The following CNTN5 variants were observed in gnomAD, a reference collection of about 807,000 sequenced individuals.
CNTN5 encodes contactin-5.
In CNTN5, 77 loss-of-function variants were observed where a neutral mutation model predicts 129.1. The ratio of observed to expected loss-of-function variants is 0.60; its 90% CI spans 0.50 to 0.72. The LOEUF (loss-of-function observed/expected upper bound fraction) is 0.72, where lower values mean the gene tolerates loss of function less well. Among genes scored for constraint, CNTN5 ranks in the 30% least tolerant of loss-of-function variants. The pLI is 0.00. For synonymous variants in CNTN5, 509 were observed against 465.6 expected, an observed-to-expected ratio of 1.09 and a Z score of -1.20; for missense variants, 1,478 against 1,328.8, an observed-to-expected ratio of 1.11 and a Z score of -1.75.
chr11:99,677,003 A>T (rs937990964), intron 3 of CNTN5, among the ~76,000 whole-genome samples: 2 of 152,170 alleles, frequency 1.3e-5, no homozygotes, highest in Non-Finnish European at 2.9e-5. Context: ...CAAACTCATT[A>T]TCAAGCTAAA....
chr11:99,887,244 G>T (rs1310821806), intron 6 of CNTN5, among the ~76,000 whole-genome samples: 1 of 152,166 alleles, frequency 6.6e-6, no homozygotes, highest in Non-Finnish European at 1.5e-5. Context: ...CCGTGGTTTT[G>T]ACCAATGATG....
chr11:100,260,466 AC>A (rs1424653620), intron 17 of CNTN5, among the ~76,000 whole-genome samples: 8 of 152,312 alleles, frequency 5.3e-5, no homozygotes, highest in Admixed American at 3.3e-4. Flanking sequence ...TCATCCTGAT[AC>A]CAAAACCTGA....
chr11:99,620,949 A>T (rs1950929835), intron 3 of CNTN5, among the ~76,000 whole-genome samples: 1 of 150,544 alleles, frequency 6.6e-6, no homozygotes, highest in East Asian at 2.0e-4. Flanking sequence ...ATTTTCTAAT[A>T]AAATAATTCA....
At chr11:99,868,635 A>G (rs546002121) in intron 6 of CNTN5, among the ~76,000 whole-genome samples, 1 of 152,344 alleles carries the variant, frequency 6.6e-6, no homozygotes, top group East Asian at 1.9e-4. Flanking sequence ...CATGTTGTCA[A>G]CAGGAATATG....
chr11:99,488,744 T>C (rs549503810), intron 2 of CNTN5, among the ~76,000 whole-genome samples: 24 of 152,294 alleles, frequency 1.6e-4, no homozygotes, highest in African/African-American at 5.5e-4. Context: ...TATGCAATCA[T>C]TTTACCAAAA....
intron 2 of CNTN5, among the ~76,000 whole-genome samples, chr11:99,336,433 C>T (rs1866228084): frequency 6.6e-6 from 1 of 151,982 alleles, no homozygotes; most frequent in Admixed American, 6.6e-5. Flanking sequence ...AATAGTAATT[C>T]TGTGTAATTC....
intron 8 of CNTN5, among the ~76,000 whole-genome samples, chr11:99,999,483 C>A (rs574720980): frequency 1.3e-5 from 2 of 152,010 alleles, no homozygotes; most frequent in African/African-American, 4.8e-5. Flanking sequence ...GTTAGAATGG[C>A]GATCATTAAA....
chr11:99,231,166 C>T (rs1860974727), intron 1 of CNTN5, among the ~76,000 whole-genome samples: 1 of 152,018 alleles, frequency 6.6e-6, no homozygotes, highest in Non-Finnish European at 1.5e-5. Flanking sequence ...TGGGTATATA[C>T]CCAGTAACGG....
At chr11:99,401,679 A>C (rs12275265) in intron 2 of CNTN5, among the ~76,000 whole-genome samples, 5,123 of 152,168 alleles carry the variant, frequency 0.034, 285 homozygotes, top group African/African-American at 0.12. Flanking sequence ...GGTAGTATGG[A>C]CATTTTAACA....
intron 16 of CNTN5, among the ~76,000 whole-genome samples, chr11:100,253,857 AC>A (rs2138720064): frequency 6.6e-6 from 1 of 152,218 alleles, no homozygotes; most frequent in Admixed American, 6.5e-5. Context: ...CCAACTTCTT[AC>A]TCAAAACCAC....
At chr11:99,553,971 CACACACACACACACACACACACACAT>C (rs1948580272) in intron 2 of CNTN5, among the ~76,000 whole-genome samples, 1 of 114,064 alleles carries the variant, frequency 8.8e-6, no homozygotes, top group South Asian at 3.2e-4. Flanking sequence ...TGAATACACA[CACACACACACACACACACACACACAT>C]ACACACACAC....
intron 4 of CNTN5, among the ~76,000 whole-genome samples, chr11:99,835,371 G>A (rs1208867136): frequency 6.6e-6 from 1 of 152,160 alleles, no homozygotes; most frequent in Non-Finnish European, 1.5e-5. Context: ...GTGGGCCAGG[G>A]TTTGTGTGGT....
At chr11:100,086,772 A>C (rs569729022) in intron 13 of CNTN5, among the ~76,000 whole-genome samples, 1 of 151,562 alleles carries the variant, frequency 6.6e-6, no homozygotes, top group Non-Finnish European at 1.5e-5. Flanking sequence ...TTGTTTAACT[A>C]TATCAATACA....
chr11:99,439,432 G>A (rs774799358), intron 2 of CNTN5, among the ~76,000 whole-genome samples: 4 of 152,032 alleles, frequency 2.6e-5, no homozygotes, highest in Non-Finnish European at 5.9e-5. Context: ...ACATAGACAG[G>A]CGCGGTGGCT....
chr11:99,873,635 A>G (rs1948559975), intron 6 of CNTN5, among the ~76,000 whole-genome samples: 1 of 152,148 alleles, frequency 6.6e-6, no homozygotes, highest in Non-Finnish European at 1.5e-5. Context: ...TTCAATCTTT[A>G]TGGAAAACAG....
chr11:99,797,110 G>T (rs1945969026), intron 3 of CNTN5, among the ~76,000 whole-genome samples: 1 of 152,088 alleles, frequency 6.6e-6, no homozygotes, highest in African/African-American at 2.4e-5. Context: ...CATCTAGTCA[G>T]CCATCTTGAC....
intron 2 of CNTN5, among the ~76,000 whole-genome samples, chr11:99,343,687 C>G (rs758145002): frequency 5.9e-5 from 9 of 152,074 alleles, no homozygotes; most frequent in Non-Finnish European, 1.0e-4. Flanking sequence ...TTTCAAGGAG[C>G]ATTTTTGAAA....
intron 1 of CNTN5, among the ~76,000 whole-genome samples, chr11:99,312,109 A>G (rs1865138730): frequency 1.3e-5 from 2 of 152,198 alleles, no homozygotes; most frequent in African/African-American, 2.4e-5. Context: ...GAAATGTAGT[A>G]CAGAAAATGT....
chr11:99,552,611 TG>T (rs954788744), intron 2 of CNTN5, among the ~76,000 whole-genome samples: 1 of 152,072 alleles, frequency 6.6e-6, no homozygotes, highest in Admixed American at 6.6e-5. Flanking sequence ...AAACTGATGT[TG>T]GAGAGGCCTA....
Sources: allele counts gnomAD v4.1 joint callset (sites outside exome capture counted in the v4.1 genomes callset), GRCh38; gene constraint gnomAD v4.1.1; transcripts MANE v1.5; gene names NCBI Gene and HGNC (gene_info 2026-07-23, HGNC 2026-07-21).